The following DNAJC15 variants were observed in gnomAD, a reference collection of about 807,000 sequenced individuals.
The protein encoded by DNAJC15 is dnaJ homolog subfamily C member 15.
In DNAJC15, 27 loss-of-function variants were observed where a neutral mutation model predicts 22.4. The observed-to-expected ratio is 1.20, with a 90% confidence interval of 0.89 to 1.66. DNAJC15 has a LOEUF of 1.66. DNAJC15 is among the 40% of genes most tolerant of loss of function. DNAJC15 has a pLI of 0.00. For synonymous variants in DNAJC15, 79 were observed against 63.2 expected (o/e 1.25, Z -1.19); for missense variants, 208 against 187.1 (o/e 1.11, Z -0.65).
intron 1 of DNAJC15, among the ~76,000 whole-genome samples, chr13:43,024,699 G>A (rs1384572482): frequency 1.3e-5 from 2 of 151,784 alleles, no homozygotes; most frequent in Non-Finnish European, 2.9e-5. Context: ...AGGTGGGTTT[G>A]ATTTTAACCA....
intron 3 of DNAJC15, among the ~76,000 whole-genome samples, chr13:43,072,174 T>C (rs1264574314): frequency 6.6e-6 from 1 of 152,194 alleles, no homozygotes; most frequent in Non-Finnish European, 1.5e-5. Context: ...TTTTACATTT[T>C]GGTGGTGGTG....
intron 3 of DNAJC15, among the ~76,000 whole-genome samples, chr13:43,069,689 A>G (rs1053280011): frequency 3.9e-5 from 6 of 152,228 alleles, no homozygotes; most frequent in African/African-American, 1.4e-4. Flanking sequence ...AAACAGAAGC[A>G]GATCTGGGAT....
chr13:43,066,686 G>A (rs1489026478), intron 2 of DNAJC15, among the ~76,000 whole-genome samples: 1 of 152,120 alleles, frequency 6.6e-6, no homozygotes, highest in African/African-American at 2.4e-5. Context: ...GCAGTGGGGC[G>A]ATCTCTGCTC....
rs144130053 is a variant in DNAJC15 at position 43,097,665 on chromosome 13, C to T, written c.383-9513C>T. The stretch of plus-strand genomic sequence containing the variant: ...GAAAAAAAAAGGTCTAGGCCCGGTA[C>T]GGTGGCTCATTCCTGTAATCCCAGC... On this transcript the variant is annotated intron_variant, in intron 5 of 5. Coordinates refer to ENST00000379221, the MANE Select transcript of DNAJC15 (RefSeq NM_013238.3). Among the ~76,000 whole-genome samples, 979 of 152,184 alleles carry T rather than the reference C, an allele frequency of 6.4e-3. 4 individuals are homozygous for T. Among genetic ancestry groups the T allele is most frequent in the African/African-American group, 0.022 (917 of 41,550 alleles).
rs745330459 is a variant in DNAJC15, at chr13:43,023,698, C to T, written c.72C>T (p.Ala24=). 5.0e-6 allele frequency: 8 copies of T among 1,612,458 alleles called. No individual in the cohort carries two copies. In the South Asian group the frequency reaches 7.7e-5, roughly 16 times the overall value. Residue 24 remains alanine, a synonymous_variant, in exon 1 of 6, where the codon GCC becomes GCT. Transcript: ENST00000379221. ...ACGCTGAGTACTTGCAGCCCTCGGC[C>T]AAACGGCCAGACGCCGACGTCGACC... ...LRYAEYLQPS[A]KRPDADVDQQ... is the part of the protein sequence containing the mutation.
chr13:43,059,921 G>C (rs2040550461), intron 1 of DNAJC15, among the ~76,000 whole-genome samples: 1 of 152,186 alleles, frequency 6.6e-6, no homozygotes, highest in East Asian at 1.9e-4. Flanking sequence ...GTTAAGGGTG[G>C]GAGAGATTAC....
At chr13:43,079,349 A>G (rs1273830627) in intron 4 of DNAJC15, among the ~76,000 whole-genome samples, 4 of 152,232 alleles carry the variant, frequency 2.6e-5, no homozygotes, top group African/African-American at 9.6e-5. Flanking sequence ...ATTAGATAAT[A>G]AAGTCCTGTA....
intron 4 of DNAJC15, among the ~76,000 whole-genome samples, chr13:43,083,705 T>C (rs1017061431): frequency 3.9e-5 from 6 of 152,178 alleles, no homozygotes; most frequent in African/African-American, 1.4e-4. Context: ...TGTTTCTTAA[T>C]AGGCAGTTAA....
At chr13:43,028,768 A>ATT (rs566424436) in intron 1 of DNAJC15, among the ~76,000 whole-genome samples, 2 of 148,840 alleles carry the variant, frequency 1.3e-5, no homozygotes. Flanking sequence ...ACTCCTATTC[A>ATT]TTTTTTTTTT....
At chr13:43,083,285 A>C (rs1033196595) in intron 4 of DNAJC15, among the ~76,000 whole-genome samples, 8 of 151,834 alleles carry the variant, frequency 5.3e-5, no homozygotes, top group Non-Finnish European at 7.4e-5. Context: ...TTCCTGCCTC[A>C]GCCTCCCGAG....
At chr13:43,039,033 A>G (rs1297574974) in intron 1 of DNAJC15, among the ~76,000 whole-genome samples, 1 of 152,118 alleles carries the variant, frequency 6.6e-6, no homozygotes, top group African/African-American at 2.4e-5. Flanking sequence ...GTTGAGTGTG[A>G]GCTCACACTG....
chr13:43,106,745 G>A (rs1403423343), intron 5 of DNAJC15, among the ~76,000 whole-genome samples: 1 of 151,004 alleles, frequency 6.6e-6, no homozygotes, highest in East Asian at 1.9e-4. Flanking sequence ...AGACCCCTTG[G>A]ATTGATTTAC....
intron 5 of DNAJC15, among the ~76,000 whole-genome samples, chr13:43,100,036 A>G (rs1249595912): frequency 6.6e-6 from 1 of 151,758 alleles, no homozygotes. Flanking sequence ...TTGTTTACTG[A>G]TTCAGTCTCT....
rs1593314801 is a variant in DNAJC15, at chr13:43,051,346, G to GA, written c.109-14340_109-14339insA. On this transcript the variant is annotated intron_variant, in intron 1 of 5. Coordinates refer to ENST00000379221, the MANE Select transcript of DNAJC15 (RefSeq NM_013238.3). ...TTTGGTTACATGGATAAGTTCTTTA[G>GA]TGGTGACATCTGAGATTTTAGTGTA... is the stretch of plus-strand genomic sequence containing the variant. Among the ~76,000 whole-genome samples the GA allele has an allele frequency of 5.9e-5, 9 of 152,218 alleles. No homozygotes were observed. In the East Asian group the frequency reaches 1.7e-3, roughly 29 times the overall value.
rs1372170268 is a variant in DNAJC15, at chr13:43,051,101, A to AGT, written c.109-14584_109-14583dup. Among the ~76,000 whole-genome samples the AGT allele has an allele frequency of 5.3e-5, 8 of 152,182 alleles. No homozygotes were observed. In the East Asian group the frequency reaches 1.5e-3, roughly 29 times the overall value. On this transcript the variant is annotated intron_variant, in intron 1 of 5. Transcript: ENST00000379221. ...GGGATTCTCCTGTCTCAGCCTCCCG[A>AGT]GTAGCTGGGATTACAGGTGCCTGCC...
intron 1 of DNAJC15, among the ~76,000 whole-genome samples, chr13:43,045,348 C>G (rs546605500): frequency 4.6e-5 from 7 of 152,118 alleles, no homozygotes; most frequent in Admixed American, 2.6e-4. Flanking sequence ...TCTCAGACAT[C>G]GAGTTGTAGA....
chr13:43,074,666 C>G (rs962239078), intron 3 of DNAJC15, among the ~76,000 whole-genome samples: 1 of 152,096 alleles, frequency 6.6e-6, no homozygotes, highest in Admixed American at 6.5e-5. Flanking sequence ...TGTGCTTTCT[C>G]ATGACATAGA....
intron 1 of DNAJC15, among the ~76,000 whole-genome samples, chr13:43,041,924 T>G (rs1298905052): frequency 6.6e-6 from 1 of 152,246 alleles, no homozygotes; most frequent in Non-Finnish European, 1.5e-5. Context: ...AAGTGTGGCC[T>G]GGGATCACAA....
In DNAJC15 at chr13:43,110,217, T is replaced by C. The variant is rs2040818088; in HGVS notation, c.*2969T>C. On this transcript the variant is annotated 3_prime_UTR_variant, in exon 6 of 6. Coordinates refer to ENST00000379221, the MANE Select transcript of DNAJC15 (RefSeq NM_013238.3). ...TGCACAGGTTCCTCTTTACATAGGCTTCTCAACAGGGCTACTAGAGCATCG... is the reference window on the plus strand; with the variant it reads ...TGCACAGGTTCCTCTTTACATAGGCCTCTCAACAGGGCTACTAGAGCATCG... The C allele has an allele frequency of 6.6e-6, 1 of 152,202 alleles. No homozygotes were observed. Among genetic ancestry groups the C allele is most frequent in the Non-Finnish European group, 1.5e-5 (1 of 68,032 alleles). The allele number at this position is 152,202 out of a possible 1,614,324, so 9.4% of individuals were successfully genotyped here. A position where few individuals can be genotyped will look rare whatever the true frequency, so the allele number is the denominator to read the frequency against.
Sources: gnomAD v4.1 joint callset for allele counts (sites outside exome capture counted in the v4.1 genomes callset) on GRCh38, gnomAD v4.1.1 for gene constraint, MANE v1.5 for transcripts, NCBI Gene and HGNC (gene_info 2026-07-23, HGNC 2026-07-21) for gene names.